SPIDR: variants seen among roughly 807,000 people sequenced by gnomAD.
SPIDR encodes the protein scaffold protein involved in DNA repair.
SPIDR carries 93 observed loss-of-function variants against 104.6 expected under a neutral mutation model. That is an observed-to-expected ratio of 0.89 (90% CI 0.75 to 1.06). SPIDR has a LOEUF of 1.06. SPIDR is among the 50% of genes least tolerant of loss of function. The pLI is 0.00. For missense variants in SPIDR, 1,154 were observed against 1,111.2 expected (o/e 1.04, Z -0.55); for synonymous variants, 431 against 416.9 (o/e 1.03, Z -0.41).
chr8:47,486,350 A>G (rs928843009), intron 8 of SPIDR, among the ~76,000 whole-genome samples: 51 of 152,222 alleles, frequency 3.4e-4, no homozygotes, highest in African/African-American at 1.1e-3. Flanking sequence ...ATATGGGACT[A>G]TGTGAAAAGA....
intron 1 of SPIDR, among the ~76,000 whole-genome samples, chr8:47,270,308 G>C (rs1739303645): frequency 6.6e-6 from 1 of 152,018 alleles, no homozygotes; most frequent in Non-Finnish European, 1.5e-5. Flanking sequence ...CAATCTCTTT[G>C]TTTGTTACAG....
chr8:47,407,423 A>T (rs1453956138), intron 6 of SPIDR, among the ~76,000 whole-genome samples: 1 of 152,210 alleles, frequency 6.6e-6, no homozygotes, highest in African/African-American at 2.4e-5. Context: ...CTATGTGCTG[A>T]GCTCATTGGG....
intron 1 of SPIDR, among the ~76,000 whole-genome samples, chr8:47,274,776 A>G (rs1232720928): frequency 2.6e-5 from 4 of 151,574 alleles, no homozygotes; most frequent in South Asian, 4.2e-4. Flanking sequence ...GGTTTTCACC[A>G]GATTGGCCAG....
Position 47,440,450 on chromosome 8 carries a change from G to T in SPIDR, c.1005G>T (p.Arg335Ser). The T allele has an allele frequency of 6.2e-7, 1 of 1,614,206 alleles. No homozygotes were observed. The highest frequency in any genetic ancestry group is 8.5e-7 in the Non-Finnish European group (1 of 1,180,030). The change falls in exon 8 of 20, where the codon AGG (arginine) becomes AGT (serine). Residue 335 changes from arginine (R) to serine (S), a missense_variant. Coordinates refer to ENST00000297423, the MANE Select transcript of SPIDR (RefSeq NM_001080394.4). ...GCTCCTCCCAAAGTGTGGCTCCCAGGCCTGGAGCTGGCCTGAAAGTTCTCT... is the reference window on the plus strand; with the variant it reads ...GCTCCTCCCAAAGTGTGGCTCCCAGTCCTGGAGCTGGCCTGAAAGTTCTCT... ...ATSSSQSVAP[R>S]PGAGLKVLFT...
chr8:47,405,984 G>T (rs1254471599), intron 6 of SPIDR, among the ~76,000 whole-genome samples: 1 of 152,192 alleles, frequency 6.6e-6, no homozygotes, highest in Non-Finnish European at 1.5e-5. Flanking sequence ...GAGAGCGCCT[G>T]TGCATGTTTA....
At chr8:47,319,089 T>C (rs1330141483) in intron 5 of SPIDR, among the ~76,000 whole-genome samples, 1 of 151,936 alleles carries the variant, frequency 6.6e-6, no homozygotes, top group East Asian at 1.9e-4. Context: ...AATTCACACA[T>C]AACAATATTA....
At chr8:47,529,347 G>GTCCT (rs1482320322) in intron 8 of SPIDR, among the ~76,000 whole-genome samples, 1 of 152,078 alleles carries the variant, frequency 6.6e-6, no homozygotes, top group Non-Finnish European at 1.5e-5. Context: ...GAGCCCAGGA[G>GTCCT]GTGGAGGTTG....
At chr8:47,640,551 T>G (rs996810010) in intron 10 of SPIDR, among the ~76,000 whole-genome samples, 4 of 152,248 alleles carry the variant, frequency 2.6e-5, no homozygotes, top group Non-Finnish European at 4.4e-5. Context: ...TTTAACTTAA[T>G]GTTCTATCTT....
intron 8 of SPIDR, among the ~76,000 whole-genome samples, chr8:47,443,895 C>T (rs1252216659): frequency 6.6e-6 from 1 of 152,124 alleles, no homozygotes; most frequent in Non-Finnish European, 1.5e-5. Context: ...ACCTGGTAAA[C>T]TCTCATTGGA....
At chr8:47,278,731 C>T (rs2037107594) in intron 1 of SPIDR, among the ~76,000 whole-genome samples, 1 of 152,052 alleles carries the variant, frequency 6.6e-6, no homozygotes, top group South Asian at 2.1e-4. Context: ...CCCCAGCTTC[C>T]TGAGTAGCTA....
intron 8 of SPIDR, among the ~76,000 whole-genome samples, chr8:47,513,638 G>A (rs931880956): frequency 1.3e-5 from 2 of 152,190 alleles, no homozygotes; most frequent in African/African-American, 2.4e-5. Context: ...GAGAAGTGCT[G>A]ACTCATAGTA....
chr8:47,464,477 C>T (rs2074442881), intron 8 of SPIDR, among the ~76,000 whole-genome samples: 1 of 152,138 alleles, frequency 6.6e-6, no homozygotes, highest in Admixed American at 6.6e-5. Flanking sequence ...AAGGAATAAA[C>T]AGAAGCTGGG....
chr8:47,398,121 A>C (rs1021722573), intron 6 of SPIDR, among the ~76,000 whole-genome samples: 1 of 152,348 alleles, frequency 6.6e-6, no homozygotes, highest in East Asian at 1.9e-4. Context: ...GTAATTTGTA[A>C]TAGTAGTAGA....
chr8:47,524,081 CA>C (rs1161744827), intron 8 of SPIDR, among the ~76,000 whole-genome samples: 3 of 152,034 alleles, frequency 2.0e-5, no homozygotes, highest in Non-Finnish European at 4.4e-5. Flanking sequence ...GTTAGGTTAC[CA>C]AATGAAATAA....
intron 8 of SPIDR, among the ~76,000 whole-genome samples, chr8:47,565,790 C>T (rs190645633): frequency 6.7e-6 from 1 of 149,742 alleles, no homozygotes; most frequent in Non-Finnish European, 1.5e-5. Context: ...CATTTGCTGT[C>T]TCAAATTATT....
intron 1 of SPIDR, among the ~76,000 whole-genome samples, chr8:47,273,266 G>A (rs925806012): frequency 6.6e-6 from 1 of 152,166 alleles, no homozygotes; most frequent in East Asian, 1.9e-4. Context: ...TTCCTCCTTA[G>A]GTTCGATTAA....
intron 8 of SPIDR, among the ~76,000 whole-genome samples, chr8:47,481,595 T>C (rs1187456147): frequency 6.6e-6 from 1 of 152,248 alleles, no homozygotes; most frequent in Non-Finnish European, 1.5e-5. Flanking sequence ...CTGCCTGTTT[T>C]GCTTACCACT....
At chr8:47,669,825 C>T (rs2075553559) in intron 10 of SPIDR, among the ~76,000 whole-genome samples, 1 of 152,082 alleles carries the variant, frequency 6.6e-6, no homozygotes, top group Non-Finnish European at 1.5e-5. Flanking sequence ...CATGGTGAAA[C>T]CCCGTCTCTA....
intron 5 of SPIDR, among the ~76,000 whole-genome samples, chr8:47,369,781 A>G (rs2154294320): frequency 6.6e-6 from 1 of 152,338 alleles, no homozygotes; most frequent in Non-Finnish European, 1.5e-5. Flanking sequence ...ATTGGAGAAC[A>G]AAATGCATGC....
Sources: allele counts gnomAD v4.1 joint callset (sites outside exome capture counted in the v4.1 genomes callset), GRCh38; gene constraint gnomAD v4.1.1; transcripts MANE v1.5; gene names NCBI Gene and HGNC (gene_info 2026-07-23, HGNC 2026-07-21).